Variants in SMARCA1 observed in about 807,000 individuals in gnomAD.
SMARCA1 encodes SNF2 related chromatin remodeling ATPase 1.
Under a neutral mutation model 93.6 loss-of-function variants are expected in SMARCA1, and 17 were observed. The observed-to-expected ratio is 0.18, with a 90% CI of 0.12 to 0.27. The LOEUF (loss-of-function observed/expected upper bound fraction) is 0.27. Ranked by LOEUF, SMARCA1 falls within the 10% of genes least tolerant of loss-of-function variation. SMARCA1 has a pLI of 1.00. For synonymous variants in SMARCA1, 271 were observed against 271.4 expected (o/e 1.00, Z 0.01); for missense variants, 630 against 819.0 (o/e 0.77, Z 2.82).
intron 23 of SMARCA1, among the ~76,000 whole-genome samples, chrX:129,461,724 T>C (rs377189506): frequency 1.8e-5 from 2 of 111,983 alleles, no homozygotes; most frequent in African/African-American, 6.5e-5. Flanking sequence ...CATTCTAAGA[T>C]GGTTTTCTTA....
At chrX:129,496,507 G>C (rs962501136) in intron 12 of SMARCA1, among the ~76,000 whole-genome samples, 2 of 110,708 alleles carry the variant, frequency 1.8e-5, no homozygotes, top group African/African-American at 6.6e-5. Context: ...AGAAAATAAG[G>C]ATGGGATGGT....
In SMARCA1 at chrX:129,511,942, G is replaced by A. The variant is rs767111813; in HGVS notation, c.672C>T (p.Tyr224=). ...KTLQTIALLG[Y]LKHYRNIPGP... ...CAGGAATATTTCGGTAGTGTTTCAGGTAACCAAGCAAAGCAATTGTTTGTA... is the reference window on the plus strand; with the variant it reads ...CAGGAATATTTCGGTAGTGTTTCAGATAACCAAGCAAAGCAATTGTTTGTA... The change falls in exon 6 of 25, where the codon TAC becomes TAT. Residue 224 remains tyrosine, a synonymous_variant. Coordinates refer to ENST00000371121, the MANE Select transcript of SMARCA1 (RefSeq NM_001282874.2). The A allele has an allele frequency of 8.3e-7, 1 of 1,206,543 alleles. No homozygotes were observed. Among genetic ancestry groups the A allele is most frequent in the Non-Finnish European group, 1.1e-6 (1 of 893,034 alleles).
intron 23 of SMARCA1, among the ~76,000 whole-genome samples, chrX:129,451,030 T>C (rs766866303): frequency 9.0e-6 from 1 of 111,553 alleles, no homozygotes; most frequent in African/African-American, 3.3e-5. Context: ...CAGAAAAAAA[T>C]TGCTCATTAA....
rs1934803149 is a variant in SMARCA1 at position 129,506,191 on chromosome X, C to T, written c.987G>A (p.Glu329=). The T allele has an allele frequency of 8.4e-7, 1 of 1,189,775 alleles. No homozygotes were observed. The highest frequency in any genetic ancestry group is 1.8e-5 in the African/African-American group (1 of 56,724). Residue 329 remains glutamate (E), a synonymous_variant, in exon 8 of 25, where the codon GAG becomes GAA. Coordinates refer to ENST00000371121, the MANE Select transcript of SMARCA1 (RefSeq NM_001282874.2). ...EKSKLSEIVR[E]FKSTNRLLLT... Reference sequence around the variant, plus strand: ...GGAGCAAGCGGTTAGTCGACTTGAACTCACGAACAATCTCTGAAAGCTAGA... The same window carrying T: ...GGAGCAAGCGGTTAGTCGACTTGAATTCACGAACAATCTCTGAAAGCTAGA...
At position 129,448,917 on chromosome X, in the gene SMARCA1, T is replaced by C. The variant is rs1044673626; in HGVS notation, c.3031-474A>G. ...AAAGAGATAGCACAATGGAGTCTTA[T>C]GGTGGTGGAGGTTACACAACTCTAC... On this transcript the variant is annotated intron_variant, in intron 23 of 24. Transcript: ENST00000371121. 1.1e-4 allele frequency among the ~76,000 whole-genome samples: 12 copies of C among 109,394 alleles called. 1 individual carries two copies. The highest frequency in any genetic ancestry group is 9.9e-5 in the Admixed American group (1 of 10,128). 95.0% of individuals were successfully genotyped at this position (109,394 alleles called of 115,157 possible). A position where few individuals can be genotyped will look rare whatever the true frequency, so the allele number is the denominator to read the frequency against.
At position 129,523,404 on chromosome X, in the gene SMARCA1, C is replaced by G. The variant is rs768715962; in HGVS notation, c.-34G>C. On this transcript the variant is annotated 5_prime_UTR_variant, in exon 1 of 25. Transcript: ENST00000371121. ...AGCGGGAACGAGTAGGGGGACAAGGCAGGGGACGAGGGCTCCTGGGCGGCG... is the reference window on the plus strand; with the variant it reads ...AGCGGGAACGAGTAGGGGGACAAGGGAGGGGACGAGGGCTCCTGGGCGGCG... 8.9e-7 allele frequency: 1 copy of G among 1,123,904 alleles called. No homozygotes were observed. The highest frequency in any genetic ancestry group is 3.1e-5 in the East Asian group (1 of 32,155). 92.6% of individuals were successfully genotyped at this position (1,123,904 alleles called of 1,213,427 possible).
At chrX:129,497,359 C>T (rs1042980653) in intron 11 of SMARCA1, among the ~76,000 whole-genome samples, 1 of 111,625 alleles carries the variant, frequency 9.0e-6, no homozygotes, top group Non-Finnish European at 1.9e-5. Flanking sequence ...AAAGTCCTAA[C>T]TCCTTAAGGC....
intron 12 of SMARCA1, among the ~76,000 whole-genome samples, chrX:129,495,234 A>G (rs1481278958): frequency 3.5e-5 from 4 of 113,032 alleles, no homozygotes. Flanking sequence ...ATAAGCAGGT[A>G]AATAATTATC....
chrX:129,507,482 C>T lies in SMARCA1; in HGVS notation c.966+459G>A, dbSNP rs112916491. Among the ~76,000 whole-genome samples the T allele has an allele frequency of 4.6e-3, 518 of 112,871 alleles. 1 individual carries two copies. The highest frequency in any genetic ancestry group is 0.015 in the African/African-American group (477 of 31,157). ...CACTTAATTTTCTTTACATTAAAAA[C>T]TGTGCTCAATTTTAATGTGTCTTGT... On this transcript the variant is annotated intron_variant, in intron 7 of 24. Transcript: ENST00000371121.
chrX:129,504,856 G>A (rs953770245), intron 8 of SMARCA1, 54 bp from the exon 9 acceptor site: 19 of 740,244 alleles, frequency 2.6e-5, no homozygotes, highest in African/African-American at 6.3e-5. Context: ...AAATATACCC[G>A]ATATTCTGTA....
chrX:129,488,825 C>T lies in SMARCA1; in HGVS notation c.2097+112G>A, dbSNP rs920135995. 5 of 486,486 alleles carry T rather than the reference C, an allele frequency of 1.0e-5. No homozygotes were observed. In the East Asian group the frequency reaches 1.5e-4, roughly 15 times the overall value. 40.1% of individuals were successfully genotyped at this position (486,486 alleles called of 1,213,427 possible). A position where few individuals can be genotyped will look rare whatever the true frequency, so the allele number is the denominator to read the frequency against. On this transcript the variant is annotated intron_variant, in intron 16 of 24. Coordinates refer to ENST00000371121, the MANE Select transcript of SMARCA1 (RefSeq NM_001282874.2). ...AAGTTGTTGGAGAGAATATGAGCTA[C>T]CTGAAACATGTAGATAATGCAGATA...
At chrX:129,497,511 C>T (rs1028091317) in intron 11 of SMARCA1, among the ~76,000 whole-genome samples, 3 of 111,821 alleles carry the variant, frequency 2.7e-5, no homozygotes, top group Admixed American at 1.9e-4. Flanking sequence ...CCTTCCCCTC[C>T]TTTTCCCCAT....
At chrX:129,498,835 C>T (rs964162917) in intron 10 of SMARCA1, among the ~76,000 whole-genome samples, 3 of 111,567 alleles carry the variant, frequency 2.7e-5, no homozygotes, top group Admixed American at 1.9e-4. Flanking sequence ...TATTTATATA[C>T]GTAACATTTT....
chrX:129,522,349 A>C lies in SMARCA1; in HGVS notation c.174+848T>G, dbSNP rs1016443735. Among the ~76,000 whole-genome samples the C allele has an allele frequency of 2.8e-5, 3 of 108,466 alleles. No homozygotes were observed. In the East Asian group the frequency reaches 8.5e-4, roughly 31 times the overall value. 94.2% of individuals were successfully genotyped at this position (108,466 alleles called of 115,157 possible). ...AAAAAAAAACCTGTGTGTGTCCAGG[A>C]GCCAGCAGCGCCCACTAGGAGAGGG... On this transcript the variant is annotated intron_variant, in intron 1 of 24. Transcript: ENST00000371121.
At chrX:129,515,664 G>A in intron 5 of SMARCA1, 23 bp downstream of exon 5, 1 of 1,048,590 alleles carries the variant, frequency 9.5e-7, no homozygotes. Flanking sequence ...CTGAGAATGT[G>A]TTTTTAGCTA....
At chrX:129,516,519 A>G in intron 2 of SMARCA1, 22 bp from the exon 3 acceptor site, 2 of 1,168,388 alleles carry the variant, frequency 1.7e-6, no homozygotes, top group Non-Finnish European at 2.3e-6. Flanking sequence ...AACAAAAGAA[A>G]AGTAAGGACT....
At chrX:129,479,798 A>G (rs1263632091) in intron 19 of SMARCA1, among the ~76,000 whole-genome samples, 3 of 109,834 alleles carry the variant, frequency 2.7e-5, no homozygotes, top group Non-Finnish European at 5.7e-5. Flanking sequence ...CCCAGGATCA[A>G]GCGATTCTCC....
chrX:129,506,002 A>G lies in SMARCA1; in HGVS notation c.1098+78T>C, dbSNP rs202039701. 1,581 of 792,125 alleles carry G rather than the reference A, an allele frequency of 2.0e-3. 4 individuals carry two copies. Among genetic ancestry groups the G allele is most frequent in the Middle Eastern group, 4.0e-3 (13 of 3,228 alleles). 65.3% of individuals were successfully genotyped at this position (792,125 alleles called of 1,213,427 possible). On this transcript the variant is annotated intron_variant, in intron 8 of 24. Coordinates refer to ENST00000371121, the MANE Select transcript of SMARCA1 (RefSeq NM_001282874.2). ...AATTACAAATTAAAAAGTACCATAA[A>G]TTTCAATCTATAATGTTTTAAAACA...
chrX:129,484,534 A>C (rs146191119), intron 17 of SMARCA1, among the ~76,000 whole-genome samples: 193 of 112,061 alleles, frequency 1.7e-3, no homozygotes, highest in African/African-American at 5.9e-3. Context: ...TTTTCAGTAA[A>C]ATAAGTACCT....
Sources: gnomAD v4.1 joint callset for allele counts (sites outside exome capture counted in the v4.1 genomes callset) on GRCh38, gnomAD v4.1.1 for gene constraint, MANE v1.5 for transcripts, NCBI Gene and HGNC (gene_info 2026-07-23, HGNC 2026-07-21) for gene names.